DERL1: variants seen among roughly 807,000 people sequenced by gnomAD.
DERL1 encodes the protein derlin-1.
In DERL1, 24 loss-of-function variants were observed where a neutral mutation model predicts 41.6. The observed-to-expected ratio is 0.58, with a 90% CI of 0.42 to 0.81. DERL1 has a LOEUF of 0.81. Ranked by LOEUF, DERL1 falls within the 30% of genes least tolerant of loss-of-function variation. The pLI is 0.00. For synonymous variants in DERL1, 124 were observed against 112.5 expected (o/e 1.10, Z -0.65); for missense variants, 260 against 314.3 (o/e 0.83, Z 1.31).
chr8:123,018,900 C>T (rs1259578045), intron 7 of DERL1: 2 of 388,064 alleles, frequency 5.2e-6, no homozygotes, highest in Non-Finnish European at 9.3e-6. Context: ...TACTGTTTCG[C>T]ACTCTGGAGT....
intron 5 of DERL1, 66 bp downstream of exon 5, chr8:123,022,618 C>A: frequency 6.7e-7 from 1 of 1,491,550 alleles, no homozygotes; most frequent in Non-Finnish European, 9.4e-7. Flanking sequence ...GAAAGTACAT[C>A]TCTGGACTGA....
intron 1 of DERL1, 93 bp downstream of exon 1, chr8:123,041,877 G>A (rs996075503): frequency 1.5e-5 from 21 of 1,440,500 alleles, no homozygotes; most frequent in South Asian, 4.3e-5. Flanking sequence ...ATCCCAGCAG[G>A]CACCGCGCGC....
rs1563631437 is a variant in DERL1, at chr8:123,025,121, A to G, written c.266-71T>C. 4.7e-6 allele frequency: 7 copies of G among 1,500,196 alleles called. No individual in the cohort carries two copies. In the South Asian group the frequency reaches 6.3e-5, roughly 14 times the overall value. 92.9% of individuals were successfully genotyped at this position (1,500,196 alleles called of 1,614,324 possible). On this transcript the variant is annotated intron_variant, in intron 2 of 7. Coordinates refer to ENST00000259512, the MANE Select transcript of DERL1 (RefSeq NM_024295.6). ...CAAAGTAACATCTACATAGAGAAACACTTCAAAAAGTTACAGAAAAAGCCA... is the reference window on the plus strand; with the variant it reads ...CAAAGTAACATCTACATAGAGAAACGCTTCAAAAAGTTACAGAAAAAGCCA...
At chr8:123,041,246 T>A (rs1163069334) in intron 1 of DERL1, among the ~76,000 whole-genome samples, 1 of 152,256 alleles carries the variant, frequency 6.6e-6, no homozygotes, top group Non-Finnish European at 1.5e-5. Flanking sequence ...TCTTGCTATC[T>A]GACCTGCCAC....
intron 6 of DERL1, 130 bp from the exon 7 acceptor site, chr8:123,019,435 A>G (rs2130457681): frequency 1.5e-6 from 1 of 650,660 alleles, no homozygotes; most frequent in Non-Finnish European, 2.7e-6. Flanking sequence ...AGAGCTGACA[A>G]TGAGCACTTT....
At chr8:123,035,872 T>C (rs1245306758) in intron 1 of DERL1, among the ~76,000 whole-genome samples, 3 of 151,868 alleles carry the variant, frequency 2.0e-5, no homozygotes, top group Non-Finnish European at 4.4e-5. Context: ...TTTTTTAAAG[T>C]ATGAAAAGTG....
chr8:123,033,047 G>T (rs1471582954), intron 1 of DERL1, among the ~76,000 whole-genome samples: 1 of 151,654 alleles, frequency 6.6e-6, no homozygotes, highest in Non-Finnish European at 1.5e-5. Context: ...TTTGTTTTTT[G>T]AGACGGGCTC....
rs1356834811 is a variant in DERL1 at position 123,025,138 on chromosome 8, A to G, written c.266-88T>C. On this transcript the variant is annotated intron_variant, in intron 2 of 7. Transcript: ENST00000259512. The stretch of plus-strand genomic sequence containing the variant: ...AGAGAAACACTTCAAAAAGTTACAG[A>G]AAAAGCCAAAATGAGAACATTTTAA... 538 of 1,370,964 alleles carry G rather than the reference A, an allele frequency of 3.9e-4. 3 individuals are homozygous for G. Among genetic ancestry groups the G allele is most frequent in the South Asian group, 1.2e-3 (86 of 72,110 alleles). 84.9% of individuals were successfully genotyped at this position (1,370,964 alleles called of 1,614,324 possible). A position where few individuals can be genotyped will look rare whatever the true frequency, so the allele number is the denominator to read the frequency against.
At position 123,023,783 on chromosome 8, in the gene DERL1, T is replaced by C. The variant is rs745877857; in HGVS notation, c.331-44A>G. The C allele has an allele frequency of 7.5e-6, 12 of 1,602,308 alleles. No individual in the cohort carries two copies. In the East Asian group the frequency reaches 2.0e-4, roughly 27 times the overall value. ...AGATCAGACATAAAAAAGCATTCTG[T>C]ACCTAGTCAAGACTGATGTGGTTAT... is the stretch of plus-strand genomic sequence containing the variant. On this transcript the variant is annotated intron_variant, in intron 3 of 7. Transcript: ENST00000259512.
chr8:123,018,314 G>A (rs1157633700), intron 7 of DERL1: 1 of 152,166 alleles, frequency 6.6e-6, no homozygotes, highest in Admixed American at 6.5e-5. Context: ...TTGCCTCACT[G>A]ACAGAACGGT....
At position 123,030,892 on chromosome 8, in the gene DERL1, T is replaced by C. The variant is rs554815522; in HGVS notation, c.154-176A>G. Reference sequence around the variant, plus strand: ...AGTGTTCACACCAAATACAATCACATCACTTTGCAAATCAATGGAATAAAA... The same window carrying C: ...AGTGTTCACACCAAATACAATCACACCACTTTGCAAATCAATGGAATAAAA... On this transcript the variant is annotated intron_variant, in intron 1 of 7. Transcript: ENST00000259512. 10 of 591,382 alleles carry C rather than the reference T, an allele frequency of 1.7e-5. No homozygotes were observed. In the East Asian group the frequency reaches 2.8e-4, roughly 16 times the overall value. The allele number at this position is 591,382 out of a possible 1,614,324, so 36.6% of individuals were successfully genotyped here.
intron 2 of DERL1, among the ~76,000 whole-genome samples, chr8:123,027,165 G>A (rs962142838): frequency 4.6e-5 from 7 of 151,806 alleles, no homozygotes; most frequent in Non-Finnish European, 8.8e-5. Context: ...GTGGTGGTGC[G>A]TGCCTGTAGT....
chr8:123,039,522 C>G (rs59869403), intron 1 of DERL1, among the ~76,000 whole-genome samples: 1 of 152,236 alleles, frequency 6.6e-6, no homozygotes, highest in South Asian at 2.1e-4. Context: ...CCAGCTCCTA[C>G]TTCTGAGCCT....
rs773833995 is a variant in DERL1, at chr8:123,030,738, C to T, written c.154-22G>A. On this transcript the variant is annotated intron_variant, in intron 1 of 7. Coordinates refer to ENST00000259512, the MANE Select transcript of DERL1 (RefSeq NM_024295.6). ...AAATCTGTCCAGATCAAAATAAACA[C>T]AGCTGTTAGTTTCTGTAAGCCTGGT... 21 of 1,512,340 alleles carry T rather than the reference C, an allele frequency of 1.4e-5. No homozygotes were observed. The East Asian group carries it at 4.7e-4, about 34-fold the overall frequency. 93.7% of individuals were successfully genotyped at this position (1,512,340 alleles called of 1,614,324 possible).
chr8:123,039,697 T>C (rs1479338761), intron 1 of DERL1, among the ~76,000 whole-genome samples: 2 of 152,200 alleles, frequency 1.3e-5, no homozygotes, highest in Non-Finnish European at 2.9e-5. Flanking sequence ...TGCCTCTATG[T>C]CTTCACAGGC....
At chr8:123,017,949 CTTT>C (rs1269926401) in intron 7 of DERL1, 1 of 152,152 alleles carries the variant, frequency 6.6e-6, no homozygotes, top group African/African-American at 2.4e-5. Context: ...AAACAAGTTT[CTTT>C]TTATTCTCTT....
Position 123,030,386 on chromosome 8 carries a change from T to G in DERL1, c.265+219A>C, listed in dbSNP as rs565136033. On this transcript the variant is annotated intron_variant, in intron 2 of 7. Coordinates refer to ENST00000259512, the MANE Select transcript of DERL1 (RefSeq NM_024295.6). Reference sequence around the variant, plus strand: ...TCTGATCTGCTACTTTTTGCATCTATAAAATGGTAACACTGCTACTTATAC... The same window carrying G: ...TCTGATCTGCTACTTTTTGCATCTAGAAAATGGTAACACTGCTACTTATAC... 16 of 385,342 alleles carry G rather than the reference T, an allele frequency of 4.2e-5. No individual in the cohort carries two copies. In the East Asian group the frequency reaches 9.0e-4, roughly 22 times the overall value. The allele number at this position is 385,342 out of a possible 1,614,324, so 23.9% of individuals were successfully genotyped here. A position where few individuals can be genotyped will look rare whatever the true frequency, so the allele number is the denominator to read the frequency against.
In DERL1 at chr8:123,032,135, A is replaced by AT. The variant is rs33993122; in HGVS notation, c.154-1420dup. On this transcript the variant is annotated intron_variant, in intron 1 of 7. Coordinates refer to ENST00000259512, the MANE Select transcript of DERL1 (RefSeq NM_024295.6). ...TATTCATTTGTTTTTCTGGATTTAC[A>AT]TTTTTTTTTTCCCCCCCGAGATAGG... is the stretch of plus-strand genomic sequence containing the variant. Among the ~76,000 whole-genome samples, 857 of 149,760 alleles carry AT rather than the reference A, an allele frequency of 5.7e-3. 8 individuals are homozygous for AT. Among genetic ancestry groups the AT allele is most frequent in the African/African-American group, 0.02 (796 of 40,334 alleles).
At chr8:123,021,406 C>G in intron 6 of DERL1, 41 bp downstream of exon 6, 2 of 1,570,692 alleles carry the variant, frequency 1.3e-6, no homozygotes, top group Admixed American at 3.4e-5. Flanking sequence ...GGAAATTTTC[C>G]AAGGATTAGT....
Sources: gnomAD v4.1 joint callset for allele counts (sites outside exome capture counted in the v4.1 genomes callset) on GRCh38, gnomAD v4.1.1 for gene constraint, MANE v1.5 for transcripts, NCBI Gene and HGNC (gene_info 2026-07-23, HGNC 2026-07-21) for gene names.